The following ATP8A2 variants were observed in gnomAD, a reference collection of about 807,000 sequenced individuals.
ATP8A2 encodes phospholipid-transporting ATPase IB.
ATP8A2 carries 100 observed loss-of-function variants against 165.6 expected under a neutral mutation model. The ratio of observed to expected loss-of-function variants is 0.60; its 90% CI spans 0.51 to 0.71. The LOEUF (loss-of-function observed/expected upper bound fraction) is 0.71, where lower values mean the gene tolerates loss of function less well. ATP8A2 is among the 30% of genes least tolerant of loss of function. ATP8A2 has a pLI of 0.00. For missense variants in ATP8A2, 1,227 were observed against 1,479.5 expected (o/e 0.83, Z 2.80); for synonymous variants, 543 against 548.8 (o/e 0.99, Z 0.15).
chr13:25,966,986 G>A (rs1279683810), intron 34 of ATP8A2, among the ~76,000 whole-genome samples: 1 of 152,156 alleles, frequency 6.6e-6, no homozygotes, highest in Non-Finnish European at 1.5e-5. Flanking sequence ...TTCAGGAGTA[G>A]CCAGGCTGTT....
intron 35 of ATP8A2, among the ~76,000 whole-genome samples, chr13:25,994,568 A>G (rs1956459378): frequency 6.6e-6 from 1 of 151,828 alleles, no homozygotes; most frequent in African/African-American, 2.4e-5. Context: ...TTGCTAAGAG[A>G]TTTTTTGTTT....
intron 24 of ATP8A2, among the ~76,000 whole-genome samples, chr13:25,680,284 A>G (rs1179408940): frequency 6.6e-6 from 1 of 152,176 alleles, no homozygotes; most frequent in Non-Finnish European, 1.5e-5. Context: ...GAAGAGATGC[A>G]CACATATAGG....
intron 27 of ATP8A2, among the ~76,000 whole-genome samples, chr13:25,805,398 C>G (rs1351655731): frequency 6.6e-6 from 1 of 152,080 alleles, no homozygotes; most frequent in Non-Finnish European, 1.5e-5. Flanking sequence ...CACCTGTATT[C>G]CTAGCTACTT....
At position 25,676,487 on chromosome 13, in the gene ATP8A2, A is replaced by G. The variant is rs561556302; in HGVS notation, c.2212-22686A>G. On this transcript the variant is annotated intron_variant, in intron 24 of 36. Coordinates refer to ENST00000381655, the MANE Select transcript of ATP8A2 (RefSeq NM_016529.6). ...TAATTGAGTTCTGAGACCACACGTG[A>G]ACTCTGCCTCAGGACATTGCAGCCC... Among the ~76,000 whole-genome samples, 8 of 152,200 alleles carry G rather than the reference A, an allele frequency of 5.3e-5. No individual in the cohort carries two copies. The East Asian group carries it at 1.5e-3, about 29-fold the overall frequency.
chr13:25,903,481 G>C (rs1368770470), intron 33 of ATP8A2, among the ~76,000 whole-genome samples: 1 of 152,116 alleles, frequency 6.6e-6, no homozygotes, highest in East Asian at 1.9e-4. Flanking sequence ...TTCAGAACCT[G>C]AATCACTCAT....
intron 25 of ATP8A2, among the ~76,000 whole-genome samples, chr13:25,702,857 C>A (rs1459307400): frequency 6.6e-6 from 1 of 152,060 alleles, no homozygotes; most frequent in African/African-American, 2.4e-5. Flanking sequence ...TCTGTGGCAC[C>A]TTTCTCTTCT....
intron 24 of ATP8A2, chr13:25,591,131 CTA>C (rs1203726201): frequency 7.4e-5 from 14 of 190,198 alleles, no homozygotes; most frequent in Admixed American, 2.7e-4. Context: ...ATTGGAAATA[CTA>C]TGTGTGTGTG....
At chr13:25,619,404 A>AAAAATCAT (rs1349620684) in intron 24 of ATP8A2, among the ~76,000 whole-genome samples, 2 of 152,200 alleles carry the variant, frequency 1.3e-5, no homozygotes, top group Non-Finnish European at 2.9e-5. Context: ...TTCACTTTCA[A>AAAAATCAT]AAAATCATAA....
chr13:25,925,798 G>C lies in ATP8A2; in HGVS notation c.3184-35777G>C, dbSNP rs555235995. On this transcript the variant is annotated intron_variant, in intron 33 of 36. Transcript: ENST00000381655. ...GCAGGAGTGCAATGGCATGATCTCG[G>C]CTCACTGCAACCTCCACCTCTCAGG... 5.5e-4 allele frequency among the ~76,000 whole-genome samples: 84 copies of C among 151,368 alleles called. 1 individual carries two copies. The highest frequency in any genetic ancestry group is 2.0e-3 in the African/African-American group (82 of 41,216).
At chr13:25,991,391 A>G (rs970451055) in intron 35 of ATP8A2, among the ~76,000 whole-genome samples, 4 of 152,186 alleles carry the variant, frequency 2.6e-5, no homozygotes, top group Non-Finnish European at 5.9e-5. Context: ...CAGTATCACA[A>G]CCAGGAAACT....
At chr13:25,404,179 G>C (rs568280712) in intron 1 of ATP8A2, among the ~76,000 whole-genome samples, 1 of 152,170 alleles carries the variant, frequency 6.6e-6, no homozygotes, top group African/African-American at 2.4e-5. Context: ...GCCAGAGCAG[G>C]CTTCCTGAGG....
chr13:25,518,077 G>T (rs1030538330), intron 2 of ATP8A2, among the ~76,000 whole-genome samples: 3 of 152,252 alleles, frequency 2.0e-5, no homozygotes, highest in Non-Finnish European at 4.4e-5. Flanking sequence ...ATCAAGAGAA[G>T]TGGCAGAGGG....
chr13:25,570,795 T>A lies in ATP8A2; in HGVS notation c.1502T>A (p.Leu501His). Residue 501 changes from leucine to histidine, a missense_variant, in exon 17 of 37, where the codon CTC becomes CAC. This residue lies in a region of ATP8A2 where 592 missense variants were observed against 785.6 expected (regional missense o/e 0.75). Transcript: ENST00000381655. Reference sequence around the variant, plus strand: ...ACAGCCCCTTGCATTCAGGAGTTCCTCACCCTTCTGGCCGTGTGCCACACG... The same window carrying A: ...ACAGCCCCTTGCATTCAGGAGTTCCACACCCTTCTGGCCGTGTGCCACACG... ...HPTAPCIQEF[L>H]TLLAVCHTVV... 1 of 1,613,830 alleles carries A rather than the reference T, an allele frequency of 6.2e-7. No homozygotes were observed. Among genetic ancestry groups the A allele is most frequent in the Non-Finnish European group, 8.5e-7 (1 of 1,179,788 alleles).
intron 11 of ATP8A2, among the ~76,000 whole-genome samples, chr13:25,552,087 A>G (rs952197623): frequency 2.0e-4 from 30 of 152,130 alleles, no homozygotes; most frequent in African/African-American, 7.2e-4. Flanking sequence ...CCTGGGTTCA[A>G]GCAATTCTCC....
chr13:25,766,412 C>T (rs939810127), intron 25 of ATP8A2, among the ~76,000 whole-genome samples: 2 of 152,146 alleles, frequency 1.3e-5, no homozygotes, highest in Non-Finnish European at 2.9e-5. Context: ...ATCCTTATTT[C>T]CTCCATCATT....
chr13:25,854,544 T>C (rs1411130222), intron 30 of ATP8A2, among the ~76,000 whole-genome samples: 1 of 152,162 alleles, frequency 6.6e-6, no homozygotes, highest in Non-Finnish European at 1.5e-5. Context: ...CTCAAACTCC[T>C]GGGCTCAAGC....
chr13:25,530,997 G>A (rs537895876), intron 4 of ATP8A2, among the ~76,000 whole-genome samples: 15 of 151,828 alleles, frequency 9.9e-5, no homozygotes, highest in African/African-American at 2.9e-4. Flanking sequence ...GCATTGTCTC[G>A]CTCTGCCTGA....
chr13:25,405,913 A>T (rs1202479853), intron 1 of ATP8A2, among the ~76,000 whole-genome samples: 5 of 152,052 alleles, frequency 3.3e-5, no homozygotes, highest in African/African-American at 1.2e-4. Context: ...TTATTCTCCC[A>T]CTCATGTCTT....
intron 24 of ATP8A2, among the ~76,000 whole-genome samples, chr13:25,601,202 G>A (rs1384066012): frequency 6.6e-6 from 1 of 152,080 alleles, no homozygotes. Flanking sequence ...TTGCCCTATG[G>A]TAAATTCTCA....
Sources: allele counts gnomAD v4.1 joint callset (sites outside exome capture counted in the v4.1 genomes callset), GRCh38; gene constraint gnomAD v4.1.1; regional missense constraint gnomAD v4.1.1; transcripts MANE v1.5; gene names NCBI Gene and HGNC (gene_info 2026-07-23, HGNC 2026-07-21).